LPL: variants seen among roughly 807,000 people sequenced by gnomAD.
The protein encoded by LPL is lipoprotein lipase, also known as phospholipase A1.
In LPL, 43 loss-of-function variants were observed where a neutral mutation model predicts 52.2. The ratio of observed to expected loss-of-function variants is 0.82; its 90% confidence interval spans 0.64 to 1.06. The LOEUF (loss-of-function observed/expected upper bound fraction) is 1.06. Ranked by LOEUF, LPL falls within the 50% of genes least tolerant of loss-of-function variation. The pLI is 0.00. For synonymous variants in LPL, 244 were observed against 215.6 expected (o/e 1.13, Z -1.15); for missense variants, 639 against 585.3 (o/e 1.09, Z -0.95).
Position 19,962,117 on chromosome 8 carries a change from T to C in LPL, c.1325T>C (p.Val442Ala), listed in dbSNP as rs116403115. The C allele has an allele frequency of 6.2e-7, 1 of 1,608,380 alleles. No individual in the cohort carries two copies. Among genetic ancestry groups the C allele is most frequent in the African/African-American group, 1.3e-5 (1 of 74,794 alleles). The stretch of plus-strand genomic sequence containing the variant: ...TTCACATCCATTTTCTTCCACAGGG[T>C]GATCTTCTGTTCTAGGGAGAAAGTG... ...RVKAGETQKK[V>A]IFCSREKVSH... The change falls in exon 9 of 10, where the codon GTG (valine) becomes GCG (alanine). Residue 442 changes from valine (V) to alanine (A), a missense_variant and splice_region_variant. By Grantham distance (64) the Val-to-Ala change is moderately conservative. Transcript: ENST00000650287.
chr8:19,958,614 T>C (rs294), intron 6 of LPL, among the ~76,000 whole-genome samples: 20,356 of 152,132 alleles, frequency 0.13, 1,441 homozygotes, highest in South Asian at 0.15. Flanking sequence ...GAACAGGTGG[T>C]GTTTGGTTAC....
Position 19,948,199 on chromosome 8 carries a change from C to T in LPL, c.108C>T (p.Asp36=), listed in dbSNP as rs2128836989. The T allele has an allele frequency of 6.2e-7, 1 of 1,614,128 alleles. No homozygotes were observed. Among genetic ancestry groups the T allele is most frequent in the Middle Eastern group, 1.6e-4 (1 of 6,062 alleles). Residue 36 remains aspartate, a synonymous_variant, in exon 2 of 10, where the codon GAC becomes GAT. Transcript: ENST00000650287. ...TTCCAGAAAGAAGAGATTTTATCGACATCGAAAGTAAATTTGCCCTAAGGA... is the reference window on the plus strand; with the variant it reads ...TTCCAGAAAGAAGAGATTTTATCGATATCGAAAGTAAATTTGCCCTAAGGA... ...AAADQRRDFI[D]IESKFALRTP...
chr8:19,962,019 C>T (rs2070043229), intron 8 of LPL, 96 bp from the exon 9 acceptor site: 2 of 828,912 alleles, frequency 2.4e-6, no homozygotes, highest in African/African-American at 3.3e-5. Context: ...CCAGCATGAT[C>T]ATGTATTATT....
Position 19,953,411 on chromosome 8 carries a change from C to T in LPL, c.531C>T (p.Asn177=), listed in dbSNP as rs1590142631. The T allele has an allele frequency of 1.9e-6, 3 of 1,612,552 alleles. No homozygotes were observed. Among genetic ancestry groups the T allele is most frequent in the Non-Finnish European group, 2.5e-6 (3 of 1,178,648 alleles). The stretch of plus-strand genomic sequence containing the variant: ...GAAGTCTGACCAATAAGAAAGTCAA[C>T]AGAATTACTGGTAAGAAAGCAATTT... The part of the protein sequence containing the change: ...IAGSLTNKKV[N]RITGLDPAGP... The change falls in exon 4 of 10, where the codon AAC becomes AAT. Residue 177 remains asparagine, a synonymous_variant. Coordinates refer to ENST00000650287, the MANE Select transcript of LPL (RefSeq NM_000237.3).
chr8:19,953,987 T>C, intron 4 of LPL, 133 bp from the exon 5 acceptor site: 5 of 735,064 alleles, frequency 6.8e-6, no homozygotes, highest in African/African-American at 1.7e-5. Flanking sequence ...TAAGTAAAGA[T>C]ACCATGACTG....
rs2070080040 is a variant in LPL, at chr8:19,965,657, A to G, written c.*347A>G. On this transcript the variant is annotated 3_prime_UTR_variant, in exon 10 of 10. Transcript: ENST00000650287. ...GTGGCGTATTGGGCCATAGCCTATA[A>G]TTGGTTAGAACCTCCTATTTTAATT... The G allele has an allele frequency of 8.1e-6, 2 of 245,994 alleles. No homozygotes were observed. Among genetic ancestry groups the G allele is most frequent in the South Asian group, 1.1e-4 (1 of 9,476 alleles). The allele number at this position is 245,994 out of a possible 1,614,324, so 15.2% of individuals were successfully genotyped here. A position where few individuals can be genotyped will look rare whatever the true frequency, so the allele number is the denominator to read the frequency against.
chr8:19,965,554 T>A lies in LPL; in HGVS notation c.*244T>A. The stretch of plus-strand genomic sequence containing the variant: ...CACATCCTCCAACGTTAAAAGACAG[T>A]GGATCATGAAAAGTGCTGTTTTGTC... On this transcript the variant is annotated 3_prime_UTR_variant, in exon 10 of 10. Coordinates refer to ENST00000650287, the MANE Select transcript of LPL (RefSeq NM_000237.3). 1 of 510,628 alleles carries A rather than the reference T, an allele frequency of 2.0e-6. No individual in the cohort carries two copies. The highest frequency in any genetic ancestry group is 3.5e-6 in the Non-Finnish European group (1 of 287,444). The allele number at this position is 510,628 out of a possible 1,614,324, so 31.6% of individuals were successfully genotyped here.
chr8:19,942,446 GATTTACTAAT>G (rs1297513589), intron 1 of LPL, among the ~76,000 whole-genome samples: 1 of 152,122 alleles, frequency 6.6e-6, no homozygotes, highest in Non-Finnish European at 1.5e-5. Flanking sequence ...AGACCATTTG[GATTTACTAAT>G]AAGGTAAATT....
intron 4 of LPL, 78 bp from the exon 5 acceptor site, chr8:19,954,042 A>C (rs2069960449): frequency 2.0e-6 from 2 of 987,906 alleles, no homozygotes; most frequent in East Asian, 4.8e-5. Flanking sequence ...CAGTGCATTC[A>C]AATGATGAGC....
rs1312499913 is a variant in LPL, at chr8:19,965,219, T to G, written c.*-91T>G. The G allele has an allele frequency of 5.2e-6, 4 of 765,620 alleles. No homozygotes were observed. The Admixed American group carries it at 7.0e-5, about 13-fold the overall frequency. 47.4% of individuals were successfully genotyped at this position (765,620 alleles called of 1,614,324 possible). On this transcript the variant is annotated intron_variant, in intron 9 of 9. Transcript: ENST00000650287. ...TTGTTCTGAAATTCCATTTGAAGGC[T>G]TTTTCCATCCTAAAACCAGTGGGGG...
intron 2 of LPL, 77 bp from the exon 3 acceptor site, chr8:19,951,692 T>C (rs2069935269): frequency 1.3e-6 from 2 of 1,501,136 alleles, no homozygotes; most frequent in Non-Finnish European, 1.9e-6. Flanking sequence ...TTCCATTTCA[T>C]GCAGGTGTAT....
chr8:19,964,302 A>G (rs1259476006), intron 9 of LPL, among the ~76,000 whole-genome samples: 1 of 152,178 alleles, frequency 6.6e-6, no homozygotes, highest in Non-Finnish European at 1.5e-5. Context: ...TAGCATGCAT[A>G]TTCTGCCAGA....
Position 19,939,490 on chromosome 8 carries a change from G to A in LPL, c.50G>A (p.Ser17Asn), listed in dbSNP as rs1186635449. Residue 17 changes from serine (S) to asparagine (N), a missense_variant, in exon 1 of 10, where the codon AGT (serine) becomes AAT (asparagine). Coordinates refer to ENST00000650287, the MANE Select transcript of LPL (RefSeq NM_000237.3). This position sits in a 1 kb window ranked among gnomAD's most constrained non-coding sequence, Gnocchi z 4.0. ...CTGACTCTGGCCGTGTGGCTCCAGA[G>A]TCTGACCGCCTCCCGCGGAGGGGTG... ...LVLTLAVWLQSLTASRGGVAA... is the reference protein window; with the variant it reads ...LVLTLAVWLQNLTASRGGVAA... 4 of 1,610,738 alleles carry A rather than the reference G, an allele frequency of 2.5e-6. No homozygotes were observed. Among genetic ancestry groups the A allele is most frequent in the Non-Finnish European group, 3.4e-6 (4 of 1,179,176 alleles).
chr8:19,939,528 C>T lies in LPL; in HGVS notation c.88C>T (p.Gln30Ter). The change falls in exon 1 of 10, where the codon CAA becomes TAA. Residue 30 changes from glutamine (Q) to a stop codon, truncating the protein, a stop_gained and splice_region_variant. Coordinates refer to ENST00000650287, the MANE Select transcript of LPL (RefSeq NM_000237.3). LOFTEE classifies it high-confidence loss of function. This position sits in a 1 kb window ranked among gnomAD's most constrained non-coding sequence, Gnocchi z 4.0. ...ASRGGVAAAD[Q>*]RRDFIDIESK... ...CCGCGGAGGGGTGGCCGCCGCCGAC[C>T]GTAAGTTTTGCGCGCAAACTCCCCT... is the stretch of plus-strand genomic sequence containing the variant. 6.2e-7 allele frequency: 1 copy of T among 1,606,972 alleles called. No individual in the cohort carries two copies. Among genetic ancestry groups the T allele is most frequent in the Non-Finnish European group, 8.5e-7 (1 of 1,177,550 alleles).
intron 5 of LPL, 117 bp from the exon 6 acceptor site, chr8:19,955,724 T>G (rs1478176271): frequency 3.0e-6 from 4 of 1,325,272 alleles, no homozygotes; most frequent in Non-Finnish European, 4.3e-6. Flanking sequence ...TGCACAGGAC[T>G]ATATCCTTGG....
chr8:19,943,924 C>T (rs1267673518), intron 1 of LPL, among the ~76,000 whole-genome samples: 2 of 152,172 alleles, frequency 1.3e-5, no homozygotes, highest in African/African-American at 4.8e-5. Flanking sequence ...CACAGTGGCT[C>T]ACTCCTGTAA....
Position 19,962,149 on chromosome 8 carries a change from T to C in LPL, c.1357T>C (p.Leu453=). ...CTGTTCTAGGGAGAAAGTGTCTCAT[T>C]TGCAGAAAGGAAAGGCACCTGCGGT... ...IFCSREKVSH[L]QKGKAPAVFV... Residue 453 remains leucine (L), a synonymous_variant, in exon 9 of 10, where the codon TTG becomes CTG. Transcript: ENST00000650287. 1.2e-6 allele frequency: 2 copies of C among 1,613,886 alleles called. No individual in the cohort carries two copies. The highest frequency in any genetic ancestry group is 8.5e-7 in the Non-Finnish European group (1 of 1,179,816).
rs2070078836 is a variant in LPL at position 19,965,593 on chromosome 8, A to G, written c.*283A>G. 2 of 419,964 alleles carry G rather than the reference A, an allele frequency of 4.8e-6. No homozygotes were observed. Among genetic ancestry groups the G allele is most frequent in the South Asian group, 4.6e-5 (1 of 21,668 alleles). 26.0% of individuals were successfully genotyped at this position (419,964 alleles called of 1,614,324 possible). On this transcript the variant is annotated 3_prime_UTR_variant, in exon 10 of 10. Coordinates refer to ENST00000650287, the MANE Select transcript of LPL (RefSeq NM_000237.3). ...TGCTGTTTTGTCCTTTGAGAAAGAAATAATTGTTTGAGCGCAGAGTAAAAT... is the reference window on the plus strand; with the variant it reads ...TGCTGTTTTGTCCTTTGAGAAAGAAGTAATTGTTTGAGCGCAGAGTAAAAT...
chr8:19,947,030 G>C (rs185912528), intron 1 of LPL, among the ~76,000 whole-genome samples: 1 of 152,170 alleles, frequency 6.6e-6, no homozygotes, highest in Admixed American at 6.5e-5. Context: ...AGTGGGAAAA[G>C]AAATATTTGG....
Sources: allele counts gnomAD v4.1 joint callset (sites outside exome capture counted in the v4.1 genomes callset), GRCh38; gene constraint gnomAD v4.1.1; non-coding constraint Gnocchi (gnomAD v3.1); transcripts MANE v1.5; gene names NCBI Gene and HGNC (gene_info 2026-07-23, HGNC 2026-07-21).